The following ZNF420 variants were observed in gnomAD, a reference collection of about 807,000 sequenced individuals.
The protein encoded by ZNF420 is ATM and p53-associated KZNF protein.
ZNF420 carries 31 observed loss-of-function variants against 44.7 expected under a neutral mutation model. The observed-to-expected ratio is 0.69, with a 90% CI of 0.52 to 0.94. ZNF420 has a LOEUF of 0.94. Among genes scored for constraint, ZNF420 ranks in the 40% least tolerant of loss-of-function variants. The pLI, the probability that ZNF420 is intolerant of heterozygous loss-of-function variation, is 0.00. For synonymous variants in ZNF420, 245 were observed against 267.4 expected, an observed-to-expected ratio of 0.92 and a Z score of 0.82; for missense variants, 681 against 827.9, an observed-to-expected ratio of 0.82 and a Z score of 2.18.
intron 4 of ZNF420, among the ~76,000 whole-genome samples, chr19:37,096,711 G>T (rs1362961475): frequency 6.6e-6 from 1 of 151,950 alleles, no homozygotes; most frequent in African/African-American, 2.4e-5. Context: ...CCTGGATCTT[G>T]TTTACTTTCT....
At chr19:37,110,880 T>C (rs1246212064) in intron 4 of ZNF420, among the ~76,000 whole-genome samples, 2 of 152,146 alleles carry the variant, frequency 1.3e-5, no homozygotes, top group African/African-American at 4.8e-5. Flanking sequence ...TTTTAAAAAC[T>C]GGAGGATTTT....
At chr19:37,060,615 T>A (rs963630469) in intron 1 of ZNF420, among the ~76,000 whole-genome samples, 1 of 151,862 alleles carries the variant, frequency 6.6e-6, no homozygotes, top group Non-Finnish European at 1.5e-5. Flanking sequence ...TGTTTCTGCT[T>A]GATTGGGTAG....
chr19:37,101,075 C>T (rs568403834), intron 4 of ZNF420, among the ~76,000 whole-genome samples: 1 of 149,438 alleles, frequency 6.7e-6, no homozygotes, highest in South Asian at 2.1e-4. Context: ...GGAAATGCTA[C>T]TTATTTTTGT....
At chr19:37,059,818 ATCTC>A (rs1378557113) in intron 1 of ZNF420, among the ~76,000 whole-genome samples, 1 of 146,168 alleles carries the variant, frequency 6.8e-6, no homozygotes, top group Non-Finnish European at 1.5e-5. Context: ...CTCTCACTCT[ATCTC>A]TGTGTGTGTG....
At chr19:37,037,377 C>T (rs1259277091) in intron 1 of ZNF420, among the ~76,000 whole-genome samples, 1 of 152,176 alleles carries the variant, frequency 6.6e-6, no homozygotes, top group Non-Finnish European at 1.5e-5. Context: ...ATGGCGCCTG[C>T]GTCATGTCTT....
At position 37,066,233 on chromosome 19, in the gene ZNF420, A is replaced by G. The variant is rs567895614; in HGVS notation, c.-124-14112A>G. 2.9e-3 allele frequency among the ~76,000 whole-genome samples: 449 copies of G among 152,338 alleles called. 5 individuals are homozygous for G. The highest frequency in any genetic ancestry group is 0.01 in the African/African-American group (432 of 41,586). On this transcript the variant is annotated intron_variant, in intron 1 of 4. Coordinates refer to the ZNF420 transcript ENST00000587029. Reference sequence around the variant, plus strand: ...TGCGGCGGGTGGATCACCTAAGGTCAGGAGTTCGAGACCAGCCTGACCAAT... The same window carrying G: ...TGCGGCGGGTGGATCACCTAAGGTCGGGAGTTCGAGACCAGCCTGACCAAT...
intron 1 of ZNF420, among the ~76,000 whole-genome samples, chr19:37,036,454 C>G (rs35522655): frequency 0.16 from 24,646 of 152,074 alleles, 2,126 homozygotes; most frequent in African/African-American, 0.23. Flanking sequence ...GTTCCTGGTG[C>G]TCTCCTGCCC....
At chr19:37,124,273 G>A (rs1210116156) in intron 4 of ZNF420, among the ~76,000 whole-genome samples, 1 of 152,192 alleles carries the variant, frequency 6.6e-6, no homozygotes, top group Non-Finnish European at 1.5e-5. Context: ...TTATTGTTGA[G>A]TAATGTTGCA....
At chr19:37,110,811 G>C (rs921624821) in intron 4 of ZNF420, among the ~76,000 whole-genome samples, 10 of 152,164 alleles carry the variant, frequency 6.6e-5, no homozygotes, top group African/African-American at 2.4e-4. Flanking sequence ...AGTATATACT[G>C]TCAGAGCATT....
chr19:37,119,022 G>A (rs1970862784), intron 4 of ZNF420, among the ~76,000 whole-genome samples: 1 of 152,128 alleles, frequency 6.6e-6, no homozygotes, highest in African/African-American at 2.4e-5. Context: ...ATAATAATGG[G>A]AGACTTTAAC....
At chr19:37,014,384 T>C (rs1161054685) in intron 1 of ZNF420, among the ~76,000 whole-genome samples, 1 of 152,106 alleles carries the variant, frequency 6.6e-6, no homozygotes, top group Non-Finnish European at 1.5e-5. Flanking sequence ...CCAGACTGAA[T>C]AACCAGCCCC....
At chr19:37,031,879 T>G (rs1016365814) in intron 1 of ZNF420, among the ~76,000 whole-genome samples, 4 of 152,196 alleles carry the variant, frequency 2.6e-5, no homozygotes, top group Admixed American at 2.0e-4. Flanking sequence ...GTATTTAAGA[T>G]TCACACTTAG....
chr19:37,044,342 C>T (rs1356678379), intron 1 of ZNF420, among the ~76,000 whole-genome samples: 1 of 152,112 alleles, frequency 6.6e-6, no homozygotes, highest in Admixed American at 6.6e-5. Context: ...CATAGTGAGA[C>T]ATTATCTTTG....
At position 37,062,700 on chromosome 19, in the gene ZNF420, G is replaced by A. The variant is rs1438964575; in HGVS notation, c.-124-17645G>A. 2.6e-5 allele frequency among the ~76,000 whole-genome samples: 4 copies of A among 152,164 alleles called. No individual in the cohort carries two copies. The East Asian group carries it at 7.7e-4, about 29-fold the overall frequency. On this transcript the variant is annotated intron_variant, in intron 1 of 4. Transcript: ENST00000587029. ...TGTTATCTACTTTTCCTGCCTTATA[G>A]AATAAGATAATAAAATAAATACATC...
chr19:37,105,000 T>C lies in ZNF420; in HGVS notation c.136+13879T>C, dbSNP rs201783215. Among the ~76,000 whole-genome samples, 43 of 152,322 alleles carry C rather than the reference T, an allele frequency of 2.8e-4. 1 individual carries two copies. In the East Asian group the frequency reaches 8.3e-3, roughly 29 times the overall value. ...TTTGCTGTGCAGAAGCTCTTTAGTT[T>C]AATTAGATCCCATTTGTCAATTTTG... On this transcript the variant is annotated intron_variant, in intron 4 of 4. Coordinates refer to ENST00000337995, the MANE Select transcript of ZNF420 (RefSeq NM_144689.5).
intron 1 of ZNF420, among the ~76,000 whole-genome samples, chr19:37,015,346 A>T (rs2074601921): frequency 6.6e-6 from 1 of 151,976 alleles, no homozygotes; most frequent in Admixed American, 6.5e-5. Context: ...GGTCCAAATC[A>T]TCTCCCCACC....
chr19:37,058,781 C>G (rs533123496), intron 1 of ZNF420, among the ~76,000 whole-genome samples: 1 of 152,318 alleles, frequency 6.6e-6, no homozygotes, highest in Admixed American at 6.5e-5. Flanking sequence ...CTCACCCAAT[C>G]TGCTCTTAGG....
At chr19:37,116,539 C>T (rs574322441) in intron 4 of ZNF420, among the ~76,000 whole-genome samples, 7 of 152,184 alleles carry the variant, frequency 4.6e-5, no homozygotes, top group South Asian at 2.1e-4. Context: ...ACGCAGAAGA[C>T]GGGTGATTTC....
chr19:37,012,760 ATGTCTC>A (rs1455683444), intron 1 of ZNF420, among the ~76,000 whole-genome samples: 2,891 of 101,958 alleles, frequency 0.028, 67 homozygotes, highest in Middle Eastern at 0.041. Flanking sequence ...CCACTGCTAT[ATGTCTC>A]TGTGTGTGTG....
Sources: gnomAD v4.1 joint callset for allele counts (sites outside exome capture counted in the v4.1 genomes callset) on GRCh38, gnomAD v4.1.1 for gene constraint, MANE v1.5 for transcripts, NCBI Gene and HGNC (gene_info 2026-07-23, HGNC 2026-07-21) for gene names.